Variants in GBE1 observed in about 807,000 individuals in gnomAD.
GBE1 encodes the protein 1,4-alpha-glucan-branching enzyme.
Under a neutral mutation model 88.8 loss-of-function variants are expected in GBE1, and 70 were observed. The observed-to-expected ratio is 0.79, with a 90% CI of 0.65 to 0.96. The LOEUF is 0.96. Ranked by LOEUF, GBE1 falls within the 40% of genes least tolerant of loss-of-function variation. The pLI, the probability that GBE1 is intolerant of heterozygous loss-of-function variation, is 0.00. For synonymous variants in GBE1, 284 were observed against 300.1 expected (o/e 0.95, Z 0.56); for missense variants, 872 against 871.0 (o/e 1.00, Z -0.01).
At chr3:81,721,982 G>A (rs1370216817) in intron 1 of GBE1, among the ~76,000 whole-genome samples, 1 of 152,196 alleles carries the variant, frequency 6.6e-6, no homozygotes, top group Non-Finnish European at 1.5e-5. Flanking sequence ...CACTCAGCAA[G>A]TTATTAGCAG....
intron 14 of GBE1, among the ~76,000 whole-genome samples, chr3:81,500,509 G>A (rs1451182511): frequency 6.6e-6 from 1 of 152,178 alleles, no homozygotes; most frequent in African/African-American, 2.4e-5. Flanking sequence ...GTACAGTTTA[G>A]AGAGTAATGT....
chr3:81,737,376 T>TAAA (rs1491106050), intron 1 of GBE1, among the ~76,000 whole-genome samples: 2 of 34,788 alleles, frequency 5.7e-5, no homozygotes, highest in Non-Finnish European at 1.2e-4. Flanking sequence ...TTTATATATA[T>TAAA]TTTTATATAT....
intron 7 of GBE1, among the ~76,000 whole-genome samples, chr3:81,600,686 C>A (rs1214223338): frequency 1.3e-5 from 2 of 151,890 alleles, no homozygotes; most frequent in East Asian, 3.9e-4. Flanking sequence ...TATTTTAGGA[C>A]AATATTCAAG....
chr3:81,686,892 C>A (rs992097578), intron 2 of GBE1, among the ~76,000 whole-genome samples: 2 of 152,138 alleles, frequency 1.3e-5, no homozygotes, highest in African/African-American at 4.8e-5. Context: ...ATGCATGTGT[C>A]TATATAGTAT....
At chr3:81,599,642 T>C (rs1224820689) in intron 7 of GBE1, among the ~76,000 whole-genome samples, 1 of 152,194 alleles carries the variant, frequency 6.6e-6, no homozygotes, top group Non-Finnish European at 1.5e-5. Context: ...TCTTATGAGA[T>C]CACCATCTTA....
chr3:81,750,285 G>A (rs918813950), intron 1 of GBE1, among the ~76,000 whole-genome samples: 1 of 151,614 alleles, frequency 6.6e-6, no homozygotes, highest in Non-Finnish European at 1.5e-5. Context: ...AAAAAGAACA[G>A]CACGGAAAGG....
chr3:81,638,855 A>G (rs1024942091), intron 7 of GBE1, among the ~76,000 whole-genome samples: 1 of 152,196 alleles, frequency 6.6e-6, no homozygotes, highest in Admixed American at 6.6e-5. Context: ...TAGATAGGAT[A>G]AAATGAGCAT....
At chr3:81,756,511 T>C (rs1053245474) in intron 1 of GBE1, among the ~76,000 whole-genome samples, 1 of 152,078 alleles carries the variant, frequency 6.6e-6, no homozygotes, top group African/African-American at 2.4e-5. Flanking sequence ...ATAAATAATA[T>C]AGACATAGTA....
Position 81,538,821 on chromosome 3 carries a change from G to C in GBE1, c.1619-1726C>G, listed in dbSNP as rs143103618. Among the ~76,000 whole-genome samples the C allele has an allele frequency of 4.4e-3, 674 of 152,084 alleles. 3 individuals are homozygous for C. Among genetic ancestry groups the C allele is most frequent in the Middle Eastern group, 0.014 (4 of 294 alleles). ...GAGACTAGAAATGCCATGAGGTAGC[G>C]ATAGTATATTAGCCTACAAACTGGA... is the stretch of plus-strand genomic sequence containing the variant. On this transcript the variant is annotated intron_variant, in intron 12 of 15. Coordinates refer to ENST00000429644, the MANE Select transcript of GBE1 (RefSeq NM_000158.4).
At chr3:81,707,027 G>T (rs1294913565) in intron 1 of GBE1, among the ~76,000 whole-genome samples, 1 of 151,830 alleles carries the variant, frequency 6.6e-6, no homozygotes, top group African/African-American at 2.4e-5. Flanking sequence ...TATGGATATA[G>T]CTGCTGACTG....
intron 14 of GBE1, among the ~76,000 whole-genome samples, chr3:81,514,961 G>T (rs1702777502): frequency 6.6e-6 from 1 of 151,240 alleles, no homozygotes; most frequent in East Asian, 2.0e-4. Context: ...AAAACACACT[G>T]GTATCAGGTA....
intron 1 of GBE1, among the ~76,000 whole-genome samples, chr3:81,721,789 C>T (rs1706039458): frequency 6.6e-6 from 1 of 152,150 alleles, no homozygotes; most frequent in Admixed American, 6.5e-5. Context: ...TAGAAAATTT[C>T]TTAACAATCT....
chr3:81,729,829 C>T (rs1706161849), intron 1 of GBE1, among the ~76,000 whole-genome samples: 1 of 152,120 alleles, frequency 6.6e-6, no homozygotes. Context: ...TTCTTCCCCT[C>T]ACCATATCTG....
chr3:81,516,309 T>C (rs1419568292), intron 14 of GBE1, among the ~76,000 whole-genome samples: 1 of 151,606 alleles, frequency 6.6e-6, no homozygotes, highest in African/African-American at 2.4e-5. Context: ...AAGTCTACTC[T>C]GCTTGTGCTC....
chr3:81,501,373 A>G (rs1702583934), intron 14 of GBE1, among the ~76,000 whole-genome samples: 1 of 152,182 alleles, frequency 6.6e-6, no homozygotes, highest in South Asian at 2.1e-4. Context: ...CAGGAAAGAC[A>G]ACTTTTTCAC....
intron 6 of GBE1, 95 bp downstream of exon 6, chr3:81,646,297 G>T: frequency 7.5e-6 from 6 of 802,018 alleles, no homozygotes; most frequent in East Asian, 2.6e-5. Context: ...AACCCTAAAA[G>T]GTTACACGAT....
At chr3:81,559,560 T>C (rs1576148928) in intron 12 of GBE1, among the ~76,000 whole-genome samples, 1 of 151,884 alleles carries the variant, frequency 6.6e-6, no homozygotes, top group South Asian at 2.1e-4. Flanking sequence ...CCACACACTA[T>C]TGTATCTAAG....
intron 1 of GBE1, among the ~76,000 whole-genome samples, chr3:81,737,413 T>TTATATAAATATATATTTATA (rs1553695496): frequency 0.3 from 14,753 of 49,182 alleles, 1,682 homozygotes; most frequent in East Asian, 0.6. Context: ...TTTTATATAT[T>TTATATAAATATATATTTATA]TATATAAATA....
At chr3:81,598,826 G>T (rs1231968300) in intron 7 of GBE1, among the ~76,000 whole-genome samples, 2 of 151,634 alleles carry the variant, frequency 1.3e-5, no homozygotes, top group East Asian at 3.9e-4. Flanking sequence ...TGTAATAATA[G>T]AAATTTCAGA....
Sources: gnomAD v4.1 joint callset for allele counts (sites outside exome capture counted in the v4.1 genomes callset) on GRCh38, gnomAD v4.1.1 for gene constraint, MANE v1.5 for transcripts, NCBI Gene and HGNC (gene_info 2026-07-23, HGNC 2026-07-21) for gene names.